Variants in TMC1 observed in about 807,000 individuals in gnomAD.
The protein encoded by TMC1 is transmembrane channel like 1, also known as transmembrane channel-like protein 1.
A neutral mutation model predicts 105.8 loss-of-function variants in TMC1; 84 were observed. That is an observed-to-expected ratio of 0.79 (90% CI 0.67 to 0.95). The LOEUF is 0.95. Among genes scored for constraint, TMC1 ranks in the 40% least tolerant of loss-of-function variants. The pLI, the probability that TMC1 is intolerant of heterozygous loss-of-function variation, is 0.00. For missense variants in TMC1, 817 were observed against 914.1 expected (o/e 0.89, Z 1.37); for synonymous variants, 315 against 311.5 (o/e 1.01, Z -0.12).
At chr9:72,522,435 A>T (rs904579342) in intron 1 of TMC1, among the ~76,000 whole-genome samples, 2 of 152,174 alleles carry the variant, frequency 1.3e-5, no homozygotes, top group Non-Finnish European at 2.9e-5. Flanking sequence ...ATTAAATGCA[A>T]TGATTTCCTA....
chr9:72,746,490 C>G (rs928750242), intron 10 of TMC1, among the ~76,000 whole-genome samples: 2 of 152,134 alleles, frequency 1.3e-5, no homozygotes, highest in African/African-American at 2.4e-5. Flanking sequence ...GGAGCTGTTG[C>G]CTTCCATTCC....
At position 72,754,875 on chromosome 9, in the gene TMC1, C is replaced by T. The variant is rs1406594679; in HGVS notation, c.732C>T (p.Tyr244=). 28 of 1,612,980 alleles carry T rather than the reference C, an allele frequency of 1.7e-5. No homozygotes were observed. The highest frequency in any genetic ancestry group is 2.2e-5 in the South Asian group (2 of 91,050). Residue 244 remains tyrosine (Y), a synonymous_variant, in exon 12 of 24, where the codon TAC becomes TAT. Transcript: ENST00000297784. ...CGGCAGCAAACTTTGGTGTGTTGTA[C>T]GACTTCAATGTAAGTGTCTCCACAC... is the stretch of plus-strand genomic sequence containing the variant. ...EASAANFGVL[Y]DFNGLAQYSV... is the part of the protein sequence containing the mutation.
chr9:72,708,506 A>C (rs1588042953), intron 8 of TMC1, among the ~76,000 whole-genome samples: 1 of 138,624 alleles, frequency 7.2e-6, no homozygotes, highest in African/African-American at 2.7e-5. Flanking sequence ...AATCCCAAGT[A>C]CTTTTTTTTT....
chr9:72,541,514 C>A (rs1823677163), intron 1 of TMC1, among the ~76,000 whole-genome samples: 2 of 151,942 alleles, frequency 1.3e-5, no homozygotes, highest in Admixed American at 1.3e-4. Flanking sequence ...ATGATGAAAC[C>A]CCGTCTGTAC....
At chr9:72,551,375 AC>A (rs1823857626) in intron 1 of TMC1, among the ~76,000 whole-genome samples, 1 of 152,316 alleles carries the variant, frequency 6.6e-6, no homozygotes, top group Admixed American at 6.5e-5. Context: ...AAACAAACAA[AC>A]AAAAAATACA....
intron 5 of TMC1, among the ~76,000 whole-genome samples, chr9:72,685,520 A>T (rs1175694448): frequency 6.6e-6 from 1 of 151,642 alleles, no homozygotes; most frequent in East Asian, 1.9e-4. Context: ...CCTGCCACCA[A>T]GCCCAGCTAA....
intron 1 of TMC1, among the ~76,000 whole-genome samples, chr9:72,574,337 G>A (rs1389230109): frequency 2.0e-5 from 3 of 152,154 alleles, no homozygotes; most frequent in East Asian, 3.9e-4. Context: ...TTAATTGGGC[G>A]CCCAAGCTCT....
intron 1 of TMC1, among the ~76,000 whole-genome samples, chr9:72,572,355 CTGGTTAATTTTTGTATTT>C (rs1824303138): frequency 6.6e-6 from 1 of 151,878 alleles, no homozygotes; most frequent in Non-Finnish European, 1.5e-5. Context: ...ACCACCACAT[CTGGTTAATTTTTGTATTT>C]TAGTAGAGAT....
intron 4 of TMC1, among the ~76,000 whole-genome samples, chr9:72,646,652 G>T (rs1164728405): frequency 7.0e-5 from 10 of 143,748 alleles, no homozygotes; most frequent in African/African-American, 2.6e-4. Context: ...ATTTTTTTTT[G>T]AGATGGAGTC....
At chr9:72,794,665 A>G (rs1828333222) in intron 17 of TMC1, among the ~76,000 whole-genome samples, 1 of 152,186 alleles carries the variant, frequency 6.6e-6, no homozygotes, top group Non-Finnish European at 1.5e-5. Flanking sequence ...ACACCTACAC[A>G]CTGAGATGAG....
At chr9:72,682,201 G>C (rs1472745785) in intron 5 of TMC1, among the ~76,000 whole-genome samples, 3 of 152,146 alleles carry the variant, frequency 2.0e-5, no homozygotes, top group Non-Finnish European at 4.4e-5. Flanking sequence ...AAAGTTTCCA[G>C]TAGGGTGTTT....
At chr9:72,829,575 T>C (rs1174307888) in intron 21 of TMC1, among the ~76,000 whole-genome samples, 4 of 152,172 alleles carry the variant, frequency 2.6e-5, no homozygotes, top group Non-Finnish European at 5.9e-5. Context: ...CATTTATGTA[T>C]GTAATTTTAG....
At chr9:72,601,672 A>T (rs1168169877) in intron 2 of TMC1, among the ~76,000 whole-genome samples, 1 of 151,972 alleles carries the variant, frequency 6.6e-6, no homozygotes, top group African/African-American at 2.4e-5. Context: ...ACAAAACCAA[A>T]AAAACCAAAA....
At chr9:72,627,051 C>A (rs1299322658) in intron 3 of TMC1, among the ~76,000 whole-genome samples, 2 of 140,342 alleles carry the variant, frequency 1.4e-5, no homozygotes, top group African/African-American at 2.7e-5. Context: ...TTTTTTGGGT[C>A]TGTCATTATA....
rs140998367 is a variant in TMC1, at chr9:72,690,904, G to A, written c.64+2148G>A. Among the ~76,000 whole-genome samples, 1,140 of 152,108 alleles carry A rather than the reference G, an allele frequency of 7.5e-3. 13 individuals carry two copies. Among genetic ancestry groups the A allele is most frequent in the African/African-American group, 0.026 (1,093 of 41,510 alleles). ...TTTTGGTTATTATTTTCTTTGAATA[G>A]TCTTTCTGGCCTTTTCTTTCTTTTA... On this transcript the variant is annotated intron_variant, in intron 6 of 23. Coordinates refer to ENST00000297784, the MANE Select transcript of TMC1 (RefSeq NM_138691.3).
chr9:72,732,759 C>T (rs1827234941), intron 8 of TMC1, among the ~76,000 whole-genome samples: 1 of 152,146 alleles, frequency 6.6e-6, no homozygotes, highest in Admixed American at 6.5e-5. Flanking sequence ...AGCTGTGCTA[C>T]TTACTAGGTG....
chr9:72,821,752 G>A (rs7875836), intron 20 of TMC1, among the ~76,000 whole-genome samples: 14,719 of 152,170 alleles, frequency 0.097, 766 homozygotes, highest in Non-Finnish European at 0.13. Flanking sequence ...ACTCTGGGCC[G>A]TCACATCCAG....
At chr9:72,760,757 C>G (rs997031219) in intron 12 of TMC1, among the ~76,000 whole-genome samples, 3 of 152,086 alleles carry the variant, frequency 2.0e-5, no homozygotes, top group African/African-American at 7.2e-5. Context: ...CAAGCATGAT[C>G]TCTTATGGTA....
At chr9:72,539,113 A>G (rs891048495) in intron 1 of TMC1, among the ~76,000 whole-genome samples, 27 of 151,618 alleles carry the variant, frequency 1.8e-4, no homozygotes, top group African/African-American at 6.3e-4. Flanking sequence ...GGGCATGGTG[A>G]CTCATGCCTG....
Sources: gnomAD v4.1 joint callset for allele counts (sites outside exome capture counted in the v4.1 genomes callset) on GRCh38, gnomAD v4.1.1 for gene constraint, MANE v1.5 for transcripts, NCBI Gene and HGNC (gene_info 2026-07-23, HGNC 2026-07-21) for gene names.